The following ZNF726 variants were observed in gnomAD, a reference collection of about 807,000 sequenced individuals.
ZNF726 encodes the protein zinc finger protein 726.
A neutral mutation model predicts 11.6 loss-of-function variants in ZNF726; 15 were observed. That is an observed-to-expected ratio of 1.29 (90% CI 0.86 to 1.99). The LOEUF is 1.99. Ranked by LOEUF, ZNF726 falls within the 30% of genes most tolerant of loss-of-function variation. The pLI, the probability that ZNF726 is intolerant of heterozygous loss-of-function variation, is 0.00. For missense variants in ZNF726, 890 were observed against 725.6 expected (o/e 1.23, Z -2.60); for synonymous variants, 295 against 243.6 (o/e 1.21, Z -1.96).
chr19:23,916,944 C>G (rs1309846753), intron 1 of ZNF726, among the ~76,000 whole-genome samples: 2 of 152,060 alleles, frequency 1.3e-5, no homozygotes, highest in Admixed American at 1.3e-4. Flanking sequence ...TTGCTTTGAC[C>G]TAAAGTTTAT....
At chr19:23,935,899 AAT>A (rs1452332746), downstream of ZNF726, 1 of 152,680 alleles carries the variant, frequency 6.5e-6, no homozygotes, top group Non-Finnish European at 1.5e-5. Flanking sequence ...AAGATCAGAA[AAT>A]ATGTCTTTAA....
At chr19:23,939,614 G>A (rs996477341) in intron 3 of ZNF726, among the ~76,000 whole-genome samples, 2 of 152,010 alleles carry the variant, frequency 1.3e-5, no homozygotes, top group Admixed American at 6.6e-5. Flanking sequence ...TTTCCATAGC[G>A]GCTGTACTAG....
At chr19:23,942,185 T>C (rs1030014732) in intron 3 of ZNF726, among the ~76,000 whole-genome samples, 4 of 152,202 alleles carry the variant, frequency 2.6e-5, no homozygotes, top group Non-Finnish European at 4.4e-5. Flanking sequence ...GTTTGAAGAA[T>C]TTTTATGTTC....
chr19:23,920,109 AC>A, intron 3 of ZNF726, 27 bp downstream of exon 3: 5 of 1,506,944 alleles, frequency 3.3e-6, no homozygotes, highest in Non-Finnish European at 4.5e-6. Context: ...ACAACAGATG[AC>A]CTGGATGAGA....
At chr19:23,938,844 TGA>T, downstream of ZNF726, among the ~76,000 whole-genome samples, 1 of 152,114 alleles carries the variant, frequency 6.6e-6, no homozygotes, top group Non-Finnish European at 1.5e-5. Context: ...TGACCTAAGG[TGA>T]TCCACCCACA....
rs1968163525 is a variant in ZNF726 at position 23,933,434 on chromosome 19, C to A, written c.1318C>A (p.Leu440Ile). The change falls in exon 4 of 4, where the codon CTT (leucine) becomes ATT (isoleucine). Residue 440 changes from leucine to isoleucine, a missense_variant. Physicochemically the swap from Leu to Ile is conservative, Grantham distance 5. Transcript: ENST00000594466. ...CAAAGCGTTTATATGGTCCTCAAAC[C>A]TTACTGAACATAAGAAAATTCATAC... ...CGKAFIWSSN[L>I]TEHKKIHTRE... is the part of the protein sequence containing the mutation. 6.2e-7 allele frequency: 1 copy of A among 1,612,426 alleles called. No individual in the cohort carries two copies. The highest frequency in any genetic ancestry group is 8.5e-7 in the Non-Finnish European group (1 of 1,179,608).
intron 2 of ZNF726, 185 bp downstream of exon 2, chr19:23,919,684 C>T (rs960591543): frequency 5.6e-6 from 4 of 709,782 alleles, no homozygotes; most frequent in Non-Finnish European, 8.3e-6. Flanking sequence ...CATTCCTGAG[C>T]TGATCTGTGT....
At chr19:23,931,837 C>T (rs1568379570) in intron 3 of ZNF726, among the ~76,000 whole-genome samples, 1 of 152,114 alleles carries the variant, frequency 6.6e-6, no homozygotes, top group African/African-American at 2.4e-5. Context: ...TGGAACATTT[C>T]TCTTTGGTCT....
chr19:23,920,712 C>T (rs985964560), intron 3 of ZNF726: 1 of 152,068 alleles, frequency 6.6e-6, no homozygotes, highest in Non-Finnish European at 1.5e-5. Context: ...CGTGCCTGGC[C>T]TCTCTTTTTG....
rs1239256586 is a variant in ZNF726 at position 23,933,894 on chromosome 19, A to G, written c.1778A>G (p.Tyr593Cys). The G allele has an allele frequency of 2.5e-6, 4 of 1,589,938 alleles. No individual in the cohort carries two copies. Among genetic ancestry groups the G allele is most frequent in the East Asian group, 4.6e-5 (2 of 43,626 alleles). ...ATAATTCATACTGGAGAGAAACCTT[A>G]CAAGTGTGACGAATGTGGCAAATCA... Reference protein sequence around the residue: ...HKIIHTGEKPYKCDECGKSFI... With the variant: ...HKIIHTGEKPCKCDECGKSFI... Residue 593 changes from tyrosine (Y) to cysteine (C), a missense_variant, in exon 4 of 4, where the codon TAC (tyrosine) becomes TGC (cysteine). Coordinates refer to ENST00000594466, the MANE Select transcript of ZNF726 (RefSeq NM_001244038.2).
chr19:23,940,185 T>C (rs1312203387), intron 3 of ZNF726, among the ~76,000 whole-genome samples: 1 of 152,180 alleles, frequency 6.6e-6, no homozygotes, highest in Non-Finnish European at 1.5e-5. Flanking sequence ...CTTGAGTTGA[T>C]TTTCATATAA....
chr19:23,935,324 C>A (rs1285126162), downstream of ZNF726: 1 of 522,980 alleles, frequency 1.9e-6, no homozygotes. Context: ...AAGTGTTTTT[C>A]TGGTCCTCAG....
intron 3 of ZNF726, chr19:23,928,972 G>C (rs1246947047): frequency 6.6e-6 from 1 of 151,694 alleles, no homozygotes; most frequent in Non-Finnish European, 1.5e-5. Flanking sequence ...AGTTTTTTTT[G>C]TATTTATGGT....
At position 23,920,020 on chromosome 19, in the gene ZNF726, G is replaced by A. The variant is rs1967802672; in HGVS notation, c.164G>A (p.Cys55Tyr). 6.3e-7 allele frequency: 1 copy of A among 1,588,458 alleles called. No homozygotes were observed. Among genetic ancestry groups the A allele is most frequent in the Admixed American group, 1.7e-5 (1 of 59,026 alleles). ...IAVSKPDLII[C>Y]LEKEKEPWNM... ...GTCTCTAAGCCAGACCTCATCATCT[G>A]TCTGGAGAAAGAAAAAGAGCCCTGG... The change falls in exon 3 of 4, where the codon TGT (cysteine) becomes TAT (tyrosine). Residue 55 changes from cysteine (C) to tyrosine (Y), a missense_variant. By Grantham distance (194) the Cys-to-Tyr change is radical. Coordinates refer to ENST00000594466, the MANE Select transcript of ZNF726 (RefSeq NM_001244038.2).
At chr19:23,937,076 C>A (rs1225594483), downstream of ZNF726, among the ~76,000 whole-genome samples, 1 of 146,784 alleles carries the variant, frequency 6.8e-6, no homozygotes, top group East Asian at 2.1e-4. Flanking sequence ...GGCGGCTGGC[C>A]GGGCGGGGGG....
intron 3 of ZNF726, chr19:23,928,350 C>T (rs1322816884): frequency 6.6e-6 from 1 of 152,074 alleles, no homozygotes; most frequent in East Asian, 1.9e-4. Context: ...TTTCTGTTTT[C>T]TTATTTTTTG....
downstream of ZNF726, chr19:23,935,495 C>T: frequency 2.2e-6 from 1 of 457,370 alleles, no homozygotes; most frequent in South Asian, 1.6e-5. Context: ...CTAAAAAAGT[C>T]CTCAATTCTT....
At chr19:23,939,141 T>C (rs1968297177), downstream of ZNF726, among the ~76,000 whole-genome samples, 1 of 148,236 alleles carries the variant, frequency 6.7e-6, no homozygotes, top group South Asian at 2.3e-4. Flanking sequence ...CCCCCCCAAG[T>C]CTCCAAAGTC....
downstream of ZNF726, among the ~76,000 whole-genome samples, chr19:23,938,985 G>C (rs938698390): frequency 1.3e-5 from 2 of 151,732 alleles, no homozygotes; most frequent in Middle Eastern, 6.4e-3. Flanking sequence ...TAATTTCATT[G>C]TTCCATTTAT....
Sources: gnomAD v4.1 joint callset for allele counts (sites outside exome capture counted in the v4.1 genomes callset) on GRCh38, gnomAD v4.1.1 for gene constraint, MANE v1.5 for transcripts, NCBI Gene and HGNC (gene_info 2026-07-23, HGNC 2026-07-21) for gene names.